The following PYROXD1 variants were observed in gnomAD, a reference collection of about 807,000 sequenced individuals.
PYROXD1 encodes the protein pyridine nucleotide-disulphide oxidoreductase domain 1, also known as tRNA ligase complex-associated NAD(P)H dehydrogenase PYROXD1.
PYROXD1 carries 42 observed loss-of-function variants against 62.0 expected under a neutral mutation model. That is an observed-to-expected ratio of 0.68 (90% CI 0.53 to 0.88). The LOEUF is 0.88. PYROXD1 is among the 40% of genes least tolerant of loss of function. The pLI is 0.00. For missense variants in PYROXD1, 493 were observed against 604.8 expected, an observed-to-expected ratio of 0.82 and a Z score of 1.94; for synonymous variants, 170 against 206.4, an observed-to-expected ratio of 0.82 and a Z score of 1.51.
chr12:21,446,649 G>A (rs899482303), intron 3 of PYROXD1, among the ~76,000 whole-genome samples: 1 of 151,976 alleles, frequency 6.6e-6, no homozygotes, highest in Non-Finnish European at 1.5e-5. Context: ...ACAGGCTCAT[G>A]CCTATAATCC....
chr12:21,455,900 A>G, intron 6 of PYROXD1, 95 bp from the exon 7 acceptor site: 1 of 707,482 alleles, frequency 1.4e-6, no homozygotes, highest in Non-Finnish European at 2.5e-6. Flanking sequence ...GTATGTATAT[A>G]TATGAATCAT....
rs551532182 is a variant in PYROXD1 at position 21,452,221 on chromosome 12, CAATT to C, written c.488+68_488+71del. 4.9e-4 allele frequency: 541 copies of C among 1,099,846 alleles called. 2 individuals carry two copies. The African/African-American group carries it at 8.6e-3, about 18-fold the overall frequency. 68.1% of individuals were successfully genotyped at this position (1,099,846 alleles called of 1,614,324 possible). On this transcript the variant is annotated intron_variant, in intron 5 of 11. Coordinates refer to ENST00000240651, the MANE Select transcript of PYROXD1 (RefSeq NM_024854.5). The stretch of plus-strand genomic sequence containing the variant: ...AAAAATAATTTGTTTTTAAATTAAA[CAATT>C]GCTTTGTGATTCTTGTGATTTGTTG...
At chr12:21,463,000 T>TAA (rs574532434) in intron 10 of PYROXD1, 138 bp downstream of exon 10, 9 of 646,644 alleles carry the variant, frequency 1.4e-5, no homozygotes, top group South Asian at 3.2e-5. Context: ...TATATATATT[T>TAA]AAAAAAAAAA....
intron 1 of PYROXD1, among the ~76,000 whole-genome samples, chr12:21,439,075 C>T (rs1180713916): frequency 6.6e-6 from 1 of 152,014 alleles, no homozygotes; most frequent in Admixed American, 6.5e-5. Context: ...TGAAAGTTTA[C>T]CAAGTATTCA....
chr12:21,445,883 G>A (rs1256676182), intron 3 of PYROXD1, among the ~76,000 whole-genome samples: 3 of 152,086 alleles, frequency 2.0e-5, no homozygotes, highest in African/African-American at 7.2e-5. Flanking sequence ...CAGGGCTTAA[G>A]GAAGACTTTA....
chr12:21,455,029 A>G (rs903501270), intron 5 of PYROXD1, 103 bp from the exon 6 acceptor site: 8 of 541,196 alleles, frequency 1.5e-5, no homozygotes, highest in Non-Finnish European at 2.1e-5. Context: ...AGCCTTAAAA[A>G]TGTATTCCCT....
At chr12:21,448,162 A>G in intron 3 of PYROXD1, 4 of 673,740 alleles carry the variant, frequency 5.9e-6, no homozygotes, top group Non-Finnish European at 1.1e-5. Context: ...GATGATATCA[A>G]TTTCACATAC....
intron 3 of PYROXD1, among the ~76,000 whole-genome samples, chr12:21,448,900 A>T (rs529795374): frequency 1.3e-5 from 2 of 152,330 alleles, no homozygotes; most frequent in African/African-American, 4.8e-5. Flanking sequence ...ACATGCTAGG[A>T]TTAAAGATTA....
intron 7 of PYROXD1, 21 bp from the exon 8 acceptor site, chr12:21,461,004 C>G (rs1477433180): frequency 6.9e-7 from 1 of 1,451,066 alleles, no homozygotes; most frequent in Non-Finnish European, 9.3e-7. Flanking sequence ...ATTATGCTAA[C>G]CAGTATTTTC....
chr12:21,464,983 T>C (rs1186283148), intron 10 of PYROXD1, among the ~76,000 whole-genome samples: 8 of 152,190 alleles, frequency 5.3e-5, no homozygotes, highest in African/African-American at 1.9e-4. Context: ...TCCATGTCCC[T>C]ACAAAGGACA....
rs1193283089 is a variant in PYROXD1 at position 21,468,530 on chromosome 12, G to C, written c.1279G>C (p.Ala427Pro). 1.9e-6 allele frequency: 3 copies of C among 1,612,420 alleles called. No individual in the cohort carries two copies. In the African/African-American group the frequency reaches 4.0e-5, roughly 22 times the overall value. Residue 427 changes from alanine to proline, a missense_variant, in exon 12 of 12, where the codon GCA becomes CCA. Ala to Pro is a conservative substitution (Grantham distance 27). Coordinates refer to ENST00000240651, the MANE Select transcript of PYROXD1 (RefSeq NM_024854.5). ...YKVVLLGKYN[A>P]QGLGSDHELM... Reference sequence around the variant, plus strand: ...GGTTGTACTGCTGGGAAAATACAATGCACAGGGCTTAGGTTCAGATCATGA... The same window carrying C: ...GGTTGTACTGCTGGGAAAATACAATCCACAGGGCTTAGGTTCAGATCATGA...
chr12:21,457,825 C>CACCAGGCCGTACCTCCAGTCACCTCCT (rs1227950447), intron 7 of PYROXD1, among the ~76,000 whole-genome samples: 73 of 152,316 alleles, frequency 4.8e-4, no homozygotes, highest in African/African-American at 1.6e-3. Context: ...AGTCACCTCC[C>CACCAGGCCGTACCTCCAGTCACCTCCT]ACCAGGCCGT....
At chr12:21,462,538 C>CTGA (rs1942718219) in intron 9 of PYROXD1, among the ~76,000 whole-genome samples, 1 of 151,476 alleles carries the variant, frequency 6.6e-6, no homozygotes, top group Admixed American at 6.6e-5. Flanking sequence ...TGTTGAAATT[C>CTGA]TGACAGTTTT....
intron 10 of PYROXD1, among the ~76,000 whole-genome samples, chr12:21,465,039 T>G (rs1434576016): frequency 1.3e-5 from 2 of 152,236 alleles, no homozygotes; most frequent in Non-Finnish European, 2.9e-5. Flanking sequence ...ATGGTGTATA[T>G]GTGCCACATT....
intron 7 of PYROXD1, 25 bp from the exon 8 acceptor site, chr12:21,461,000 C>G: frequency 2.1e-6 from 3 of 1,435,584 alleles, no homozygotes; most frequent in Non-Finnish European, 2.8e-6. Context: ...AAGTATTATG[C>G]TAACCAGTAT....
At chr12:21,450,427 C>T (rs184551901) in intron 4 of PYROXD1, among the ~76,000 whole-genome samples, 9 of 152,208 alleles carry the variant, frequency 5.9e-5, no homozygotes, top group Non-Finnish European at 8.8e-5. Flanking sequence ...CTTTGTGGTA[C>T]AAAATCATGA....
chr12:21,459,669 A>AG (rs1265694435), intron 7 of PYROXD1, among the ~76,000 whole-genome samples: 1 of 152,222 alleles, frequency 6.6e-6, no homozygotes, highest in Non-Finnish European at 1.5e-5. Flanking sequence ...CCAGGTAGAT[A>AG]ATAACATCAG....
At chr12:21,459,460 T>G (rs1023987870) in intron 7 of PYROXD1, among the ~76,000 whole-genome samples, 2 of 152,236 alleles carry the variant, frequency 1.3e-5, no homozygotes, top group Admixed American at 6.5e-5. Flanking sequence ...CCAGTAAATG[T>G]AAGTAAAGTG....
In PYROXD1 at chr12:21,470,806, T is replaced by C; in HGVS notation, c.*2052T>C. The C allele has an allele frequency of 2.1e-6, 1 of 468,934 alleles. No homozygotes were observed. The highest frequency in any genetic ancestry group is 3.4e-6 in the Non-Finnish European group (1 of 290,682). 29.0% of individuals were successfully genotyped at this position (468,934 alleles called of 1,614,324 possible). A position where few individuals can be genotyped will look rare whatever the true frequency, so the allele number is the denominator to read the frequency against. On this transcript the variant is annotated 3_prime_UTR_variant, in exon 12 of 12. Coordinates refer to ENST00000240651, the MANE Select transcript of PYROXD1 (RefSeq NM_024854.5). ...CAGTCTAAATTCTTTCACTTACATC[T>C]TTACAGAAAACTATATTTTCTCTCT...
Sources: allele counts gnomAD v4.1 joint callset (sites outside exome capture counted in the v4.1 genomes callset), GRCh38; gene constraint gnomAD v4.1.1; transcripts MANE v1.5; gene names NCBI Gene and HGNC (gene_info 2026-07-23, HGNC 2026-07-21).